CNTNAP2: variants seen among roughly 807,000 people sequenced by gnomAD.
CNTNAP2 encodes contactin associated protein 2.
In CNTNAP2, 98 loss-of-function variants were observed where a neutral mutation model predicts 155.2. That is an observed-to-expected ratio of 0.63 (90% confidence interval 0.54 to 0.75). The LOEUF is 0.75. Among genes scored for constraint, CNTNAP2 ranks in the 30% least tolerant of loss-of-function variants. CNTNAP2 has a pLI of 0.00. For missense variants in CNTNAP2, 1,727 were observed against 1,688.1 expected, an observed-to-expected ratio of 1.02 and a Z score of -0.40; for synonymous variants, 651 against 631.2, an observed-to-expected ratio of 1.03 and a Z score of -0.47.
At chr7:146,174,311 T>C (rs1798438914) in intron 1 of CNTNAP2, among the ~76,000 whole-genome samples, 1 of 151,978 alleles carries the variant, frequency 6.6e-6, no homozygotes, top group Admixed American at 6.6e-5. Flanking sequence ...ATTTTTGGGC[T>C]TAGTAACTTG....
intron 3 of CNTNAP2, among the ~76,000 whole-genome samples, chr7:146,995,645 C>A (rs1406471556): frequency 1.3e-5 from 2 of 151,848 alleles, no homozygotes; most frequent in Non-Finnish European, 2.9e-5. Flanking sequence ...GTGTTAATGT[C>A]TTTGCCCATT....
In CNTNAP2 at chr7:148,159,644, G is replaced by A. The variant is rs760949392; in HGVS notation, c.2773+11935G>A. ...CATTCTCTGCCACCTGTGTGAGGAC[G>A]TCTTGTGTGTGTGTGTGCCTCTGTG... On this transcript the variant is annotated intron_variant, in intron 17 of 23. Coordinates refer to ENST00000361727, the MANE Select transcript of CNTNAP2 (RefSeq NM_014141.6). Among the ~76,000 whole-genome samples the A allele has an allele frequency of 5.9e-5, 9 of 152,160 alleles. No individual in the cohort carries two copies. In the South Asian group the frequency reaches 6.2e-4, roughly 11 times the overall value.
chr7:148,331,018 C>T (rs1236114498), intron 21 of CNTNAP2, among the ~76,000 whole-genome samples: 3 of 124,542 alleles, frequency 2.4e-5, no homozygotes, highest in Non-Finnish European at 5.0e-5. Flanking sequence ...ATGGAATGGA[C>T]AGATGGATGG....
intron 1 of CNTNAP2, among the ~76,000 whole-genome samples, chr7:146,571,254 A>C (rs1255603350): frequency 6.6e-6 from 1 of 152,098 alleles, no homozygotes; most frequent in Non-Finnish European, 1.5e-5. Flanking sequence ...GCAAACTGTA[A>C]TGGGAAGTAT....
At chr7:147,536,071 G>A (rs2116734213) in intron 11 of CNTNAP2, among the ~76,000 whole-genome samples, 1 of 152,256 alleles carries the variant, frequency 6.6e-6, no homozygotes, top group Admixed American at 6.5e-5. Context: ...GCACTTACAT[G>A]ACTCACCGTG....
chr7:147,326,057 G>C (rs1795450157), intron 9 of CNTNAP2, among the ~76,000 whole-genome samples: 1 of 152,058 alleles, frequency 6.6e-6, no homozygotes, highest in African/African-American at 2.4e-5. Context: ...CCAGTAGCTG[G>C]GACGACAAGC....
At chr7:146,421,089 A>T (rs571516836) in intron 1 of CNTNAP2, among the ~76,000 whole-genome samples, 1 of 152,224 alleles carries the variant, frequency 6.6e-6, no homozygotes, top group South Asian at 2.1e-4. Flanking sequence ...GTATGATGTC[A>T]AGAAGAGTAC....
In CNTNAP2 at chr7:147,269,792, A is replaced by T. The variant is rs1056804387; in HGVS notation, c.1349-30349A>T. Among the ~76,000 whole-genome samples, 6 of 152,146 alleles carry T rather than the reference A, an allele frequency of 3.9e-5. 1 individual carries two copies. The highest frequency in any genetic ancestry group is 5.9e-5 in the Non-Finnish European group (4 of 68,028). ...AGACTAGCTTGTTACAATGGCTCAT[A>T]CCTGTAATCCTAGCTACTTGGAGGC... On this transcript the variant is annotated intron_variant, in intron 8 of 23. Coordinates refer to ENST00000361727, the MANE Select transcript of CNTNAP2 (RefSeq NM_014141.6).
intron 1 of CNTNAP2, among the ~76,000 whole-genome samples, chr7:146,475,839 G>A (rs896016129): frequency 6.6e-6 from 1 of 152,150 alleles, no homozygotes. Flanking sequence ...GGGAGTTGGA[G>A]CTAATGATGT....
chr7:148,194,282 C>T (rs1034507636), intron 18 of CNTNAP2, among the ~76,000 whole-genome samples: 9 of 152,002 alleles, frequency 5.9e-5, no homozygotes, highest in Middle Eastern at 3.4e-3. Context: ...CAGGCATGAC[C>T]CAACACTCCT....
rs146195105 is a variant in CNTNAP2, at chr7:147,987,343, G to A, written c.2383+9354G>A. Among the ~76,000 whole-genome samples the A allele has an allele frequency of 2.4e-4, 37 of 152,316 alleles. No homozygotes were observed. In the East Asian group the frequency reaches 5.0e-3, roughly 21 times the overall value. On this transcript the variant is annotated intron_variant, in intron 15 of 23. Transcript: ENST00000361727. ...TGCAAACTCACTGTTGAAATGGGACGTAAAATTGGTTACAGTTTGGAAAAA... is the reference window on the plus strand; with the variant it reads ...TGCAAACTCACTGTTGAAATGGGACATAAAATTGGTTACAGTTTGGAAAAA...
At chr7:147,110,358 C>T (rs1411243989) in intron 5 of CNTNAP2, among the ~76,000 whole-genome samples, 1 of 143,650 alleles carries the variant, frequency 7.0e-6, no homozygotes, top group Non-Finnish European at 1.6e-5. Flanking sequence ...GTAATGGTAC[C>T]TTTTTCTTTT....
chr7:146,721,541 T>C (rs1230481936), intron 1 of CNTNAP2, among the ~76,000 whole-genome samples: 1 of 111,926 alleles, frequency 8.9e-6, no homozygotes, highest in Non-Finnish European at 1.6e-5. Context: ...ATATACATTC[T>C]ATATATATTC....
At chr7:146,925,511 AT>A (rs1028653772) in intron 3 of CNTNAP2, among the ~76,000 whole-genome samples, 17 of 152,208 alleles carry the variant, frequency 1.1e-4, no homozygotes, top group African/African-American at 4.1e-4. Flanking sequence ...TAAATTGATC[AT>A]TTGTTAATTA....
intron 10 of CNTNAP2, among the ~76,000 whole-genome samples, chr7:147,472,727 T>C (rs1014057262): frequency 4.6e-5 from 7 of 152,160 alleles, no homozygotes; most frequent in African/African-American, 1.7e-4. Flanking sequence ...AAAGCTTTGT[T>C]AATGATTGAT....
intron 8 of CNTNAP2, among the ~76,000 whole-genome samples, chr7:147,211,627 G>T (rs1435980978): frequency 6.6e-6 from 1 of 151,910 alleles, no homozygotes; most frequent in Non-Finnish European, 1.5e-5. Flanking sequence ...CTAGACCTCT[G>T]CCTTTCACCA....
At chr7:148,223,653 T>A (rs1795790860) in intron 19 of CNTNAP2, among the ~76,000 whole-genome samples, 1 of 152,208 alleles carries the variant, frequency 6.6e-6, no homozygotes, top group African/African-American at 2.4e-5. Context: ...TCATTTAAAT[T>A]GGATTATTCA....
At chr7:148,335,959 G>T (rs138614209) in intron 21 of CNTNAP2, among the ~76,000 whole-genome samples, 5 of 152,106 alleles carry the variant, frequency 3.3e-5, no homozygotes, top group African/African-American at 1.2e-4. Context: ...TAGGAGGAAG[G>T]TCACCCACCT....
chr7:148,371,562 C>T (rs764337682), intron 21 of CNTNAP2, among the ~76,000 whole-genome samples: 16 of 152,156 alleles, frequency 1.1e-4, no homozygotes, highest in Non-Finnish European at 1.8e-4. Context: ...GGAATCACCA[C>T]TAAAATTCTC....
Sources: allele counts gnomAD v4.1 joint callset (sites outside exome capture counted in the v4.1 genomes callset), GRCh38; gene constraint gnomAD v4.1.1; transcripts MANE v1.5; gene names NCBI Gene and HGNC (gene_info 2026-07-23, HGNC 2026-07-21).